The following DLG2 variants were observed in gnomAD, a reference collection of about 807,000 sequenced individuals.
DLG2 encodes discs large MAGUK scaffold protein 2.
DLG2 carries 45 observed loss-of-function variants against 132.5 expected under a neutral mutation model. The ratio of observed to expected loss-of-function variants is 0.34; its 90% CI spans 0.27 to 0.44. The LOEUF (loss-of-function observed/expected upper bound fraction) is 0.44. Ranked by LOEUF, DLG2 falls within the 20% of genes least tolerant of loss-of-function variation. DLG2 has a pLI of 1.00. For synonymous variants in DLG2, 424 were observed against 419.6 expected (o/e 1.01, Z -0.13); for missense variants, 1,045 against 1,196.9 (o/e 0.87, Z 1.87).
intron 25 of DLG2, among the ~76,000 whole-genome samples, chr11:83,468,029 G>A (rs1370352326): frequency 6.6e-6 from 1 of 151,674 alleles, no homozygotes; most frequent in Admixed American, 6.6e-5. Flanking sequence ...AAGCATTTCT[G>A]GATATGCAGA....
intron 6 of DLG2, among the ~76,000 whole-genome samples, chr11:84,678,523 T>C (rs1202837736): frequency 6.6e-6 from 1 of 152,038 alleles, no homozygotes; most frequent in African/African-American, 2.4e-5. Context: ...TTTGACAAAT[T>C]CTTTCATTCT....
chr11:84,050,628 C>A lies in DLG2; in HGVS notation c.919+8687G>T, dbSNP rs189095993. Among the ~76,000 whole-genome samples, 6 of 152,084 alleles carry A rather than the reference C, an allele frequency of 3.9e-5. No homozygotes were observed. In the East Asian group the frequency reaches 9.7e-4, roughly 25 times the overall value. On this transcript the variant is annotated intron_variant, in intron 11 of 27. Coordinates refer to ENST00000376104, the MANE Select transcript of DLG2 (RefSeq NM_001142699.3). Reference sequence around the variant, plus strand: ...TCCTGAATGGTATTGCCTAGGTTTTCTTCTAGGTTTGTATGGTTTTAGGTC... The same window carrying A: ...TCCTGAATGGTATTGCCTAGGTTTTATTCTAGGTTTGTATGGTTTTAGGTC...
At chr11:84,053,943 T>C (rs930387602) in intron 11 of DLG2, among the ~76,000 whole-genome samples, 1 of 151,812 alleles carries the variant, frequency 6.6e-6, no homozygotes, top group East Asian at 1.9e-4. Flanking sequence ...TATAGAGATA[T>C]GAGAATTTAA....
chr11:84,987,170 G>A (rs749062635), intron 6 of DLG2, among the ~76,000 whole-genome samples: 22 of 151,786 alleles, frequency 1.4e-4, no homozygotes, highest in Non-Finnish European at 2.5e-4. Flanking sequence ...CAATAGCTGC[G>A]AAAAATTAAA....
At chr11:83,838,703 G>A (rs894859869) in intron 16 of DLG2, among the ~76,000 whole-genome samples, 1 of 152,092 alleles carries the variant, frequency 6.6e-6, no homozygotes. Context: ...GGCAACACTT[G>A]GTTTAGAGAA....
intron 4 of DLG2, among the ~76,000 whole-genome samples, chr11:85,182,438 C>T (rs2079777324): frequency 6.6e-6 from 1 of 151,870 alleles, no homozygotes; most frequent in Non-Finnish European, 1.5e-5. Context: ...CAAGGAAATA[C>T]TAAATCAGTT....
chr11:85,443,011 T>C (rs2091856819), intron 3 of DLG2, among the ~76,000 whole-genome samples: 1 of 152,012 alleles, frequency 6.6e-6, no homozygotes, highest in African/African-American at 2.4e-5. Flanking sequence ...TATGACAATA[T>C]ACAACGGGGG....
At chr11:85,083,553 G>C (rs1362882082) in intron 6 of DLG2, among the ~76,000 whole-genome samples, 3 of 152,180 alleles carry the variant, frequency 2.0e-5, no homozygotes, top group Non-Finnish European at 4.4e-5. Flanking sequence ...AGGGGAACAT[G>C]AGACATTAAT....
intron 7 of DLG2, among the ~76,000 whole-genome samples, chr11:84,275,866 T>C (rs1202003416): frequency 6.6e-6 from 1 of 152,212 alleles, no homozygotes; most frequent in Admixed American, 6.5e-5. Flanking sequence ...TAGGGCAGGC[T>C]CATGGAAGAT....
At chr11:85,028,463 G>A (rs1036345928) in intron 6 of DLG2, among the ~76,000 whole-genome samples, 4 of 152,060 alleles carry the variant, frequency 2.6e-5, no homozygotes, top group African/African-American at 9.7e-5. Flanking sequence ...TCTGCTTCCT[G>A]CCACCATTGA....
At chr11:83,466,046 GA>G (rs994832370) in intron 26 of DLG2, among the ~76,000 whole-genome samples, 33 of 150,236 alleles carry the variant, frequency 2.2e-4, no homozygotes, top group African/African-American at 3.9e-4. Flanking sequence ...CTTTGGAGGG[GA>G]AAAAAAAAGA....
At chr11:84,869,503 AG>A (rs2154039921) in intron 6 of DLG2, among the ~76,000 whole-genome samples, 2 of 151,752 alleles carry the variant, frequency 1.3e-5, no homozygotes, top group Admixed American at 1.3e-4. Flanking sequence ...GTGAACAAAA[AG>A]CTTCTTCCTC....
At chr11:84,056,002 G>T (rs1025781364) in intron 11 of DLG2, among the ~76,000 whole-genome samples, 1 of 151,976 alleles carries the variant, frequency 6.6e-6, no homozygotes, top group Non-Finnish European at 1.5e-5. Context: ...CTACATTTTT[G>T]ATGCTTACTA....
chr11:85,027,895 G>C (rs1042992749), intron 6 of DLG2, among the ~76,000 whole-genome samples: 2 of 152,278 alleles, frequency 1.3e-5, no homozygotes, highest in African/African-American at 2.4e-5. Context: ...TGTGGTAAGC[G>C]GGGGAGGGGG....
intron 6 of DLG2, among the ~76,000 whole-genome samples, chr11:84,857,920 T>C (rs1003793791): frequency 6.6e-6 from 1 of 151,952 alleles, no homozygotes; most frequent in Admixed American, 6.6e-5. Context: ...AGACAAGGTC[T>C]CACTGTGTGT....
intron 6 of DLG2, among the ~76,000 whole-genome samples, chr11:84,697,497 C>G (rs1206847607): frequency 6.6e-6 from 1 of 151,366 alleles, no homozygotes; most frequent in Non-Finnish European, 1.5e-5. Context: ...TTTAGAAAAA[C>G]ACACAATAAA....
At chr11:85,207,624 G>C (rs954007303) in intron 4 of DLG2, among the ~76,000 whole-genome samples, 2 of 151,964 alleles carry the variant, frequency 1.3e-5, no homozygotes, top group African/African-American at 2.4e-5. Flanking sequence ...TTATTTAAAT[G>C]AGTCAATTTT....
intron 16 of DLG2, among the ~76,000 whole-genome samples, chr11:83,848,864 G>C (rs907493722): frequency 2.0e-5 from 3 of 152,154 alleles, no homozygotes; most frequent in African/African-American, 4.8e-5. Flanking sequence ...CCCATCTCCA[G>C]ATGAACCAGT....
At chr11:84,417,418 C>T (rs572887235) in intron 7 of DLG2, among the ~76,000 whole-genome samples, 3 of 152,208 alleles carry the variant, frequency 2.0e-5, no homozygotes, top group South Asian at 4.1e-4. Flanking sequence ...ATTTCCTTCC[C>T]TTTTCTCCTT....
Sources: gnomAD v4.1 joint callset for allele counts (sites outside exome capture counted in the v4.1 genomes callset) on GRCh38, gnomAD v4.1.1 for gene constraint, MANE v1.5 for transcripts, NCBI Gene and HGNC (gene_info 2026-07-23, HGNC 2026-07-21) for gene names.